Variants in CNGA1 observed in about 807,000 individuals in gnomAD.
CNGA1 encodes the protein cyclic nucleotide-gated channel alpha-1.
In CNGA1, 53 loss-of-function variants were observed where a neutral mutation model predicts 69.7. The observed-to-expected ratio is 0.76, with a 90% CI of 0.61 to 0.96. The LOEUF (loss-of-function observed/expected upper bound fraction) is 0.96, where lower values mean the gene tolerates loss of function less well. CNGA1 is among the 40% of genes least tolerant of loss of function. The probability of loss-of-function intolerance (pLI) is 0.00; values close to 1 mark genes in which losing one functional copy is unlikely to be tolerated. For missense variants in CNGA1, 739 were observed against 811.2 expected (o/e 0.91, Z 1.08); for synonymous variants, 249 against 283.5 (o/e 0.88, Z 1.22).
chr4:47,972,804 T>A, intron 3 of CNGA1, among the ~76,000 whole-genome samples: 1 of 152,220 alleles, frequency 6.6e-6, no homozygotes, highest in Middle Eastern at 3.2e-3. Flanking sequence ...CCTCTGACTA[T>A]GGTCCTCTGA....
intron 2 of CNGA1, among the ~76,000 whole-genome samples, chr4:48,003,572 T>C (rs1714758099): frequency 6.6e-6 from 1 of 152,224 alleles, no homozygotes. Context: ...AGATCTTAGA[T>C]ATGATTATAT....
chr4:47,989,725 G>A (rs932844518), intron 2 of CNGA1, among the ~76,000 whole-genome samples: 1 of 149,236 alleles, frequency 6.7e-6, no homozygotes, highest in Non-Finnish European at 1.5e-5. Flanking sequence ...GGTGATTTGT[G>A]AGATTTCATT....
At chr4:47,971,279 G>A (rs1450328749) in intron 3 of CNGA1, among the ~76,000 whole-genome samples, 1 of 151,914 alleles carries the variant, frequency 6.6e-6, no homozygotes, top group African/African-American at 2.4e-5. Flanking sequence ...TGAGGAAGGG[G>A]AAGTATGGGA....
At chr4:48,016,004 A>C (rs1356035508) in intron 1 of CNGA1, among the ~76,000 whole-genome samples, 1 of 152,230 alleles carries the variant, frequency 6.6e-6, no homozygotes. Flanking sequence ...CTGAGCGTTA[A>C]TAGACTGCTG....
At chr4:47,959,038 T>TA (rs1489496381) in intron 3 of CNGA1, 1 of 152,128 alleles carries the variant, frequency 6.6e-6, no homozygotes, top group Non-Finnish European at 1.5e-5. Context: ...ATTAACAACA[T>TA]AAAGAAGAAA....
Position 47,936,902 on chromosome 4 carries a change from C to G in CNGA1, c.1580G>C (p.Gly527Ala). The G allele has an allele frequency of 6.2e-7, 1 of 1,614,114 alleles. No individual in the cohort carries two copies. The highest frequency in any genetic ancestry group is 1.3e-5 in the African/African-American group (1 of 75,032). ...GCTCAATACCACAAACTGAGTGACT[C>G]CATCATCTGCCACCACAGCGAGTTT... ...EGKLAVVADD[G>A]VTQFVVLSDG... The change falls in exon 11 of 11, where the codon GGA becomes GCA. Residue 527 changes from glycine (G) to alanine (A), a missense_variant. Physicochemically the swap from Gly to Ala is moderately conservative, Grantham distance 60. Coordinates refer to ENST00000514170, the MANE Select transcript of CNGA1 (RefSeq NM_001379270.1).
At chr4:47,953,877 C>T (rs1377654202) in intron 3 of CNGA1, among the ~76,000 whole-genome samples, 2 of 152,104 alleles carry the variant, frequency 1.3e-5, no homozygotes, top group East Asian at 1.9e-4. Context: ...GGGTCCCCGG[C>T]GAGGGCTCCA....
chr4:48,005,690 T>C (rs1714888808), intron 2 of CNGA1, among the ~76,000 whole-genome samples: 1 of 152,182 alleles, frequency 6.6e-6, no homozygotes, highest in African/African-American at 2.4e-5. Flanking sequence ...TCAGGAACCC[T>C]GTACAGGGAC....
intron 6 of CNGA1, among the ~76,000 whole-genome samples, chr4:47,947,497 G>A (rs1268079444): frequency 6.6e-6 from 1 of 151,868 alleles, no homozygotes; most frequent in Admixed American, 6.6e-5. Flanking sequence ...CCAACATGGC[G>A]AAACCCCACT....
chr4:47,950,628 G>A (rs1042899032), intron 5 of CNGA1, among the ~76,000 whole-genome samples: 1 of 152,038 alleles, frequency 6.6e-6, no homozygotes, highest in Non-Finnish European at 1.5e-5. Flanking sequence ...CAATGGGAAG[G>A]CTGGAGGTAG....
At chr4:47,982,333 G>A (rs533013304) in intron 2 of CNGA1, among the ~76,000 whole-genome samples, 34 of 152,046 alleles carry the variant, frequency 2.2e-4, no homozygotes, top group Admixed American at 6.6e-4. Flanking sequence ...ATGAACAACC[G>A]AGTAACACTT....
chr4:47,981,718 T>C (rs181813937), intron 2 of CNGA1, among the ~76,000 whole-genome samples: 4 of 152,260 alleles, frequency 2.6e-5, no homozygotes, highest in African/African-American at 7.2e-5. Context: ...TTAATATGAA[T>C]GAGAGTTAGA....
chr4:47,973,107 G>A (rs1014485697), intron 3 of CNGA1, among the ~76,000 whole-genome samples: 19 of 123,612 alleles, frequency 1.5e-4, no homozygotes, highest in African/African-American at 3.8e-4. Context: ...TTGCTCTGCC[G>A]CCCAGGCTGG....
chr4:47,999,980 T>C (rs1308254729), intron 2 of CNGA1, among the ~76,000 whole-genome samples: 1 of 151,930 alleles, frequency 6.6e-6, no homozygotes. Context: ...CAAACAAATT[T>C]AAAACACAGG....
At chr4:47,967,285 A>G (rs1578094454) in intron 3 of CNGA1, among the ~76,000 whole-genome samples, 1 of 152,220 alleles carries the variant, frequency 6.6e-6, no homozygotes, top group African/African-American at 2.4e-5. Flanking sequence ...CCTGGGCGAC[A>G]GAACCAGATT....
chr4:47,999,884 A>T (rs1714585263), intron 2 of CNGA1, among the ~76,000 whole-genome samples: 1 of 152,152 alleles, frequency 6.6e-6, no homozygotes. Flanking sequence ...AACTAATAAT[A>T]ATAATAATGG....
intron 1 of CNGA1, among the ~76,000 whole-genome samples, chr4:48,011,979 AAAAAG>A (rs1715186767): frequency 6.6e-6 from 1 of 152,246 alleles, no homozygotes; most frequent in Non-Finnish European, 1.5e-5. Flanking sequence ...GATCTGGAAG[AAAAAG>A]ATCTAGCTAT....
intron 9 of CNGA1, 99 bp downstream of exon 9, chr4:47,941,942 G>T: frequency 4.2e-6 from 3 of 713,246 alleles, no homozygotes; most frequent in Non-Finnish European, 7.3e-6. Context: ...GAAAGGAGGT[G>T]TGTCCTAAAG....
chr4:48,002,250 C>A (rs1277743376), intron 2 of CNGA1, among the ~76,000 whole-genome samples: 1 of 151,976 alleles, frequency 6.6e-6, no homozygotes, highest in Non-Finnish European at 1.5e-5. Context: ...AAGGTAAGAG[C>A]TAGTTCTTAT....
Sources: gnomAD v4.1 joint callset for allele counts (sites outside exome capture counted in the v4.1 genomes callset) on GRCh38, gnomAD v4.1.1 for gene constraint, MANE v1.5 for transcripts, NCBI Gene and HGNC (gene_info 2026-07-23, HGNC 2026-07-21) for gene names.